Variants in CNTNAP2 observed in about 807,000 individuals in gnomAD.
The protein encoded by CNTNAP2 is contactin-associated protein-like 2.
CNTNAP2 carries 98 observed loss-of-function variants against 155.2 expected under a neutral mutation model. The observed-to-expected ratio is 0.63, with a 90% CI of 0.54 to 0.75. The LOEUF (loss-of-function observed/expected upper bound fraction) is 0.75, where lower values mean the gene tolerates loss of function less well. CNTNAP2 is among the 30% of genes least tolerant of loss of function. The pLI is 0.00. For synonymous variants in CNTNAP2, 651 were observed against 631.2 expected, an observed-to-expected ratio of 1.03 and a Z score of -0.47; for missense variants, 1,727 against 1,688.1, an observed-to-expected ratio of 1.02 and a Z score of -0.40.
At chr7:147,409,340 C>T (rs1197435925) in intron 10 of CNTNAP2, among the ~76,000 whole-genome samples, 2 of 152,188 alleles carry the variant, frequency 1.3e-5, no homozygotes, top group Admixed American at 6.5e-5. Context: ...GGATAACTGG[C>T]TAGCCATATG....
At chr7:146,224,087 A>C (rs1799251705) in intron 1 of CNTNAP2, among the ~76,000 whole-genome samples, 1 of 152,186 alleles carries the variant, frequency 6.6e-6, no homozygotes, top group African/African-American at 2.4e-5. Flanking sequence ...TGGAGTCTCC[A>C]CTTTTTTCTG....
At chr7:147,301,991 T>G (rs889397877) in intron 9 of CNTNAP2, among the ~76,000 whole-genome samples, 2 of 152,158 alleles carry the variant, frequency 1.3e-5, no homozygotes, top group Non-Finnish European at 2.9e-5. Flanking sequence ...TCTTCCATAA[T>G]ATTTGTTGGA....
At chr7:148,125,832 G>A (rs1804707687) in intron 16 of CNTNAP2, among the ~76,000 whole-genome samples, 2 of 151,632 alleles carry the variant, frequency 1.3e-5, no homozygotes, top group African/African-American at 4.9e-5. Flanking sequence ...CTCCCAAGTA[G>A]CTGGGATCAC....
At chr7:146,696,508 C>T (rs899754370) in intron 1 of CNTNAP2, among the ~76,000 whole-genome samples, 7 of 152,024 alleles carry the variant, frequency 4.6e-5, no homozygotes, top group African/African-American at 1.7e-4. Context: ...TACTAATTTC[C>T]TGTTTTCAAT....
At chr7:146,790,758 G>A (rs527432381) in intron 2 of CNTNAP2, among the ~76,000 whole-genome samples, 18 of 151,614 alleles carry the variant, frequency 1.2e-4, no homozygotes, top group East Asian at 5.9e-4. Context: ...TTTAGTAGAG[G>A]CAGGGTTTCA....
intron 8 of CNTNAP2, among the ~76,000 whole-genome samples, chr7:147,251,344 C>T (rs1228028776): frequency 6.6e-6 from 1 of 152,154 alleles, no homozygotes; most frequent in Non-Finnish European, 1.5e-5. Context: ...CCACATTGCT[C>T]TCTCTGAACT....
At chr7:148,330,869 T>C (rs1304451558) in intron 21 of CNTNAP2, among the ~76,000 whole-genome samples, 1 of 130,938 alleles carries the variant, frequency 7.6e-6, no homozygotes, top group East Asian at 2.3e-4. Context: ...GATGGACGGA[T>C]GGAGTGGCTG....
chr7:147,642,853 T>C (rs1795302867), intron 13 of CNTNAP2, among the ~76,000 whole-genome samples: 1 of 152,232 alleles, frequency 6.6e-6, no homozygotes, highest in Admixed American at 6.5e-5. Flanking sequence ...ATTCTATATA[T>C]ATATCAAATC....
chr7:147,597,848 C>T (rs1407645928), intron 12 of CNTNAP2, among the ~76,000 whole-genome samples: 1 of 152,176 alleles, frequency 6.6e-6, no homozygotes, highest in African/African-American at 2.4e-5. Context: ...ATCATTTGTT[C>T]TGCTTCAGGT....
At chr7:146,389,885 G>C (rs1389740938) in intron 1 of CNTNAP2, among the ~76,000 whole-genome samples, 1 of 151,602 alleles carries the variant, frequency 6.6e-6, no homozygotes, top group Non-Finnish European at 1.5e-5. Context: ...ATTTTTAGTA[G>C]AGACAGGATT....
intron 1 of CNTNAP2, among the ~76,000 whole-genome samples, chr7:146,190,539 C>T (rs906608241): frequency 2.8e-4 from 42 of 152,190 alleles, no homozygotes; most frequent in African/African-American, 9.6e-4. Context: ...CCCTGTGGTA[C>T]CAAAACCCTT....
At chr7:147,776,530 C>T (rs1797588766) in intron 13 of CNTNAP2, among the ~76,000 whole-genome samples, 1 of 152,242 alleles carries the variant, frequency 6.6e-6, no homozygotes, top group Non-Finnish European at 1.5e-5. Context: ...GCTACAGTCT[C>T]TGAGACCCTC....
intron 3 of CNTNAP2, among the ~76,000 whole-genome samples, chr7:146,968,419 G>A (rs1459152138): frequency 1.9e-4 from 29 of 150,814 alleles, no homozygotes; most frequent in East Asian, 5.9e-4. Context: ...GGTAGAATTC[G>A]GCTGTGAATC....
intron 1 of CNTNAP2, among the ~76,000 whole-genome samples, chr7:146,304,296 A>T (rs1800667885): frequency 1.3e-5 from 2 of 151,966 alleles, no homozygotes; most frequent in Admixed American, 6.6e-5. Flanking sequence ...TTATGTGTGA[A>T]TTTGATCCTG....
chr7:147,267,521 A>G (rs867469815), intron 8 of CNTNAP2, among the ~76,000 whole-genome samples: 1 of 150,786 alleles, frequency 6.6e-6, no homozygotes, highest in Non-Finnish European at 1.5e-5. Flanking sequence ...TACCCTCACT[A>G]TTAAGCTTTT....
chr7:147,356,885 A>T (rs1245837348), intron 9 of CNTNAP2, among the ~76,000 whole-genome samples: 2 of 152,082 alleles, frequency 1.3e-5, no homozygotes, highest in African/African-American at 4.8e-5. Context: ...TGTCTTGAGC[A>T]AAGTTTTACT....
At position 147,134,198 on chromosome 7, in the gene CNTNAP2, C is replaced by A. The variant is rs574467383; in HGVS notation, c.1348+1689C>A. ...TATATTTGAAAGGATAAGATATTAA[C>A]CCTAGTGGTCAATAAACATGTATTA... On this transcript the variant is annotated intron_variant, in intron 8 of 23. Coordinates refer to ENST00000361727, the MANE Select transcript of CNTNAP2 (RefSeq NM_014141.6). Among the ~76,000 whole-genome samples the A allele has an allele frequency of 8.9e-4, 135 of 151,998 alleles. 1 individual carries two copies. Among genetic ancestry groups the A allele is most frequent in the Admixed American group, 4.8e-3 (73 of 15,222 alleles).
intron 1 of CNTNAP2, among the ~76,000 whole-genome samples, chr7:146,286,996 G>A (rs138342097): frequency 1.4e-3 from 216 of 152,156 alleles, no homozygotes; most frequent in African/African-American, 4.5e-3. Context: ...TGATGAGAAC[G>A]TCCCTCTGGA....
intron 11 of CNTNAP2, among the ~76,000 whole-genome samples, chr7:147,538,358 A>C (rs1799583805): frequency 6.6e-6 from 1 of 152,220 alleles, no homozygotes. Context: ...AACAACAACA[A>C]AAAACACATT....
Sources: gnomAD v4.1 joint callset for allele counts (sites outside exome capture counted in the v4.1 genomes callset) on GRCh38, gnomAD v4.1.1 for gene constraint, MANE v1.5 for transcripts, NCBI Gene and HGNC (gene_info 2026-07-23, HGNC 2026-07-21) for gene names.